Variants in PLA2G4D observed in about 807,000 individuals in gnomAD.
PLA2G4D encodes phospholipase A2 group IVD, also known as cytosolic phospholipase A2 delta.
A neutral mutation model predicts 94.4 loss-of-function variants in PLA2G4D; 80 were observed. That is an observed-to-expected ratio of 0.85 (90% CI 0.71 to 1.02). PLA2G4D has a LOEUF of 1.02. Among genes scored for constraint, PLA2G4D ranks in the 50% least tolerant of loss-of-function variants. The probability of loss-of-function intolerance (pLI) is 0.00; values close to 1 mark genes in which losing one functional copy is unlikely to be tolerated. For synonymous variants in PLA2G4D, 438 were observed against 440.9 expected, an observed-to-expected ratio of 0.99 and a Z score of 0.08; for missense variants, 1,050 against 1,034.7, an observed-to-expected ratio of 1.01 and a Z score of -0.20.
chr15:42,094,264 A>C (rs1595601637), intron 1 of PLA2G4D, 151 bp downstream of exon 1: 19 of 729,182 alleles, frequency 2.6e-5, no homozygotes, highest in Admixed American at 1.2e-4. Flanking sequence ...CTGCTCACCC[A>C]CCCCACCCAC....
chr15:42,083,176 G>T (rs1286748472), intron 8 of PLA2G4D, 22 bp downstream of exon 8: 2 of 1,605,112 alleles, frequency 1.2e-6, no homozygotes, highest in Admixed American at 1.7e-5. Flanking sequence ...GATTGCAAAC[G>T]AGGTCTAGAG....
Position 42,083,780 on chromosome 15 carries a change from C to T in PLA2G4D, c.472-1G>A, listed in dbSNP as rs12442923. The T allele has an allele frequency of 6.8e-3, 10,913 of 1,613,678 alleles. 345 individuals are homozygous for T. The East Asian group carries it at 0.1, about 15-fold the overall frequency. ...CATCCAGGCATGACAGCTCTCGGGCCTGGGGAAGACCACATCATGGGCAGG... is the reference window on the plus strand; with the variant it reads ...CATCCAGGCATGACAGCTCTCGGGCTTGGGGAAGACCACATCATGGGCAGG... On this transcript the variant is annotated splice_acceptor_variant, in intron 6 of 19. Coordinates refer to ENST00000290472, the MANE Select transcript of PLA2G4D (RefSeq NM_178034.4). LOFTEE classifies it high-confidence loss of function.
At chr15:42,082,430 A>ATTC in intron 8 of PLA2G4D, 41 bp from the exon 9 acceptor site, 10 of 1,483,636 alleles carry the variant, frequency 6.7e-6, no homozygotes, top group Non-Finnish European at 9.4e-6. Context: ...TCATTCATTC[A>ATTC]ACAAATCCCT....
At chr15:42,090,279 T>G (rs1890225075) in intron 1 of PLA2G4D, among the ~76,000 whole-genome samples, 1 of 152,220 alleles carries the variant, frequency 6.6e-6, no homozygotes, top group East Asian at 1.9e-4. Flanking sequence ...TAAGCAGTTT[T>G]TAGGTAACTG....
chr15:42,081,926 TC>T (rs1339215626), intron 9 of PLA2G4D, 92 bp from the exon 10 acceptor site: 288 of 1,140,446 alleles, frequency 2.5e-4, no homozygotes, highest in Admixed American at 4.5e-4. Flanking sequence ...TCATCTTCAT[TC>T]TTTTTTTTTT....
At chr15:42,075,891 AAGGG>A (rs965919437) in intron 13 of PLA2G4D, among the ~76,000 whole-genome samples, 37 of 115,104 alleles carry the variant, frequency 3.2e-4, no homozygotes, top group African/African-American at 1.0e-3. Flanking sequence ...TGAGGAAAGG[AAGGG>A]AGGGAGGGAG....
intron 11 of PLA2G4D, 147 bp from the exon 12 acceptor site, chr15:42,081,280 C>G: frequency 6.9e-7 from 1 of 1,439,742 alleles, no homozygotes; most frequent in Non-Finnish European, 9.3e-7. Flanking sequence ...TGGGTCCAGC[C>G]CTCCTCTGGA....
intron 17 of PLA2G4D, 104 bp downstream of exon 17, chr15:42,071,019 A>T (rs1889801018): frequency 2.6e-6 from 4 of 1,537,902 alleles, no homozygotes; most frequent in South Asian, 1.2e-5. Flanking sequence ...TCTCCAGGCC[A>T]CACCCCAGAA....
Position 42,068,705 on chromosome 15 carries a change from C to T in PLA2G4D, c.*10G>A. Reference sequence around the variant, plus strand: ...CAGGCCCTGGAGGGTCCTGCAGCCTCTGAGCAACCTCAGGTCTGTGCCCTT... The same window carrying T: ...CAGGCCCTGGAGGGTCCTGCAGCCTTTGAGCAACCTCAGGTCTGTGCCCTT... On this transcript the variant is annotated 3_prime_UTR_variant, in exon 20 of 20. Transcript: ENST00000290472. 1 of 1,596,712 alleles carries T rather than the reference C, an allele frequency of 6.3e-7. No homozygotes were observed. Among genetic ancestry groups the T allele is most frequent in the African/African-American group, 1.3e-5 (1 of 74,694 alleles).
intron 1 of PLA2G4D, among the ~76,000 whole-genome samples, chr15:42,088,464 C>T (rs575054998): frequency 1.3e-5 from 2 of 152,164 alleles, no homozygotes; most frequent in Non-Finnish European, 2.9e-5. Context: ...CTGCTGGGGT[C>T]AGAGCACTGG....
chr15:42,092,939 C>T (rs558905316), intron 1 of PLA2G4D, among the ~76,000 whole-genome samples: 2 of 152,282 alleles, frequency 1.3e-5, no homozygotes, highest in African/African-American at 2.4e-5. Context: ...CTGGCACTGG[C>T]GCCCTGTGGT....
At chr15:42,086,416 T>A (rs1050444282) in intron 3 of PLA2G4D, 72 bp from the exon 4 acceptor site, 9 of 1,505,002 alleles carry the variant, frequency 6.0e-6, no homozygotes, top group Non-Finnish European at 8.2e-6. Flanking sequence ...GTTGAGCCCT[T>A]ACTTGATGTC....
Position 42,087,430 on chromosome 15 carries a change from T to C in PLA2G4D, c.125A>G (p.Glu42Gly). Residue 42 changes from glutamate to glycine, a missense_variant, in exon 3 of 20, where the codon GAG becomes GGG. By Grantham distance (98) the Glu-to-Gly change is moderately conservative. Coordinates refer to ENST00000290472, the MANE Select transcript of PLA2G4D (RefSeq NM_178034.4). ...RNLRWADLLS[E>G]ADPYVILQLS... ...CTGTAGGATCACGTAAGGGTCGGCC[T>C]CACTCACTGCCAAGGTTAAGGAAGT... 1 of 1,614,068 alleles carries C rather than the reference T, an allele frequency of 6.2e-7. No individual in the cohort carries two copies. The highest frequency in any genetic ancestry group is 8.5e-7 in the Non-Finnish European group (1 of 1,179,988).
chr15:42,068,615 G>C lies in PLA2G4D; in HGVS notation c.*100C>G. 1 of 1,169,934 alleles carries C rather than the reference G, an allele frequency of 8.5e-7. No individual in the cohort carries two copies. The highest frequency in any genetic ancestry group is 1.2e-6 in the Non-Finnish European group (1 of 837,080). The allele number at this position is 1,169,934 out of a possible 1,614,324, so 72.5% of individuals were successfully genotyped here. A position where few individuals can be genotyped will look rare whatever the true frequency, so the allele number is the denominator to read the frequency against. The stretch of plus-strand genomic sequence containing the variant: ...AGCTACAGAGGCCACCCAGGCCTGG[G>C]AGAGCCCAGAACTCCAACCAGGAAG... On this transcript the variant is annotated 3_prime_UTR_variant, in exon 20 of 20. Transcript: ENST00000290472.
At chr15:42,083,374 C>T (rs1890079950) in intron 7 of PLA2G4D, 40 bp from the exon 8 acceptor site, 1 of 1,587,390 alleles carries the variant, frequency 6.3e-7, no homozygotes, top group Non-Finnish European at 8.6e-7. Context: ...GAACAAGAGC[C>T]CGGAACCCCA....
intron 13 of PLA2G4D, 62 bp downstream of exon 13, chr15:42,079,475 G>A: frequency 6.7e-7 from 1 of 1,491,350 alleles, no homozygotes; most frequent in East Asian, 2.5e-5. Context: ...AGCCGCTTGG[G>A]AGCCCTGCCT....
rs767614655 is a variant in PLA2G4D, at chr15:42,068,808, GT to G, written c.2363del (p.Asn788ThrfsTer13). Reference sequence around the variant, plus strand: ...GGATGGCACCCTGGCTGGTCTGCACGTTGTAGTCACTGAGCCGCAGCAGGCG... The same window carrying G: ...GGATGGCACCCTGGCTGGTCTGCACGTGTAGTCACTGAGCCGCAGCAGGCG... ...FERLLRLSDY[N>X]VQTSQGAILQ... On this transcript the variant is annotated frameshift_variant, in exon 20 of 20. Coordinates refer to ENST00000290472, the MANE Select transcript of PLA2G4D (RefSeq NM_178034.4). LOFTEE classifies it low-confidence loss of function (END_TRUNC). 20 of 1,613,764 alleles carry G rather than the reference GT, an allele frequency of 1.2e-5. No individual in the cohort carries two copies. The highest frequency in any genetic ancestry group is 1.6e-5 in the Non-Finnish European group (19 of 1,179,872).
Position 42,086,853 on chromosome 15 carries a change from AAAAAC to A in PLA2G4D, c.255+442_255+446del, listed in dbSNP as rs200864190. On this transcript the variant is annotated intron_variant, in intron 3 of 19. Coordinates refer to ENST00000290472, the MANE Select transcript of PLA2G4D (RefSeq NM_178034.4). Reference sequence around the variant, plus strand: ...GGCAATAAGAGCAAGACTCTGTCTCAAAAACAAAACAAAACACATAAAAGTCTGTC... The same window carrying A: ...GGCAATAAGAGCAAGACTCTGTCTCAAAAACAAAACACATAAAAGTCTGTC... 2.6e-3 allele frequency among the ~76,000 whole-genome samples: 394 copies of A among 152,328 alleles called. 9 individuals are homozygous for A. In the East Asian group the frequency reaches 0.055, roughly 21 times the overall value.
chr15:42,067,041 GT>G lies in PLA2G4D; in HGVS notation c.*1673del, dbSNP rs1889699950. ...CCATATCACTGTTAAAAAAATAAGAGTCCATGATAAAGGGAAAAAGTGAAGA... is the reference window on the plus strand; with the variant it reads ...CCATATCACTGTTAAAAAAATAAGAGCCATGATAAAGGGAAAAAGTGAAGA... On this transcript the variant is annotated 3_prime_UTR_variant, in exon 20 of 20. Coordinates refer to ENST00000290472, the MANE Select transcript of PLA2G4D (RefSeq NM_178034.4). 6.6e-6 allele frequency: 1 copy of G among 152,116 alleles called. No individual in the cohort carries two copies. The highest frequency in any genetic ancestry group is 1.5e-5 in the Non-Finnish European group (1 of 68,032). 9.4% of individuals were successfully genotyped at this position (152,116 alleles called of 1,614,324 possible).
Sources: allele counts gnomAD v4.1 joint callset (sites outside exome capture counted in the v4.1 genomes callset), GRCh38; gene constraint gnomAD v4.1.1; transcripts MANE v1.5; gene names NCBI Gene and HGNC (gene_info 2026-07-23, HGNC 2026-07-21).